The following KPNB1 variants were observed in gnomAD, a reference collection of about 807,000 sequenced individuals.
KPNB1 encodes karyopherin subunit beta 1.
A neutral mutation model predicts 113.0 loss-of-function variants in KPNB1; 7 were observed. That is an observed-to-expected ratio of 0.06 (90% CI 0.04 to 0.12). KPNB1 has a LOEUF of 0.12. Among genes scored for constraint, KPNB1 ranks in the 10% least tolerant of loss-of-function variants. The pLI, the probability that KPNB1 is intolerant of heterozygous loss-of-function variation, is 1.00. For synonymous variants in KPNB1, 363 were observed against 378.6 expected (o/e 0.96, Z 0.48); for missense variants, 400 against 1,054.8 (o/e 0.38, Z 8.60).
rs2030233141 is a variant in KPNB1 at position 47,665,239 on chromosome 17, C to T, written c.999+81C>T. 4.9e-6 allele frequency: 5 copies of T among 1,026,546 alleles called. No homozygotes were observed. The South Asian group carries it at 6.6e-5, about 13-fold the overall frequency. The allele number at this position is 1,026,546 out of a possible 1,614,324, so 63.6% of individuals were successfully genotyped here. A position where few individuals can be genotyped will look rare whatever the true frequency, so the allele number is the denominator to read the frequency against. Reference sequence around the variant, plus strand: ...CTGTGGAAACTTTCCATGGAAGGAACTTCGCAGCCCATCAACTATTTGATG... The same window carrying T: ...CTGTGGAAACTTTCCATGGAAGGAATTTCGCAGCCCATCAACTATTTGATG... On this transcript the variant is annotated intron_variant, in intron 9 of 21. Transcript: ENST00000290158.
rs775621304 is a variant in KPNB1, at chr17:47,673,202, T to C, written c.1695+37T>C. 4 of 1,604,024 alleles carry C rather than the reference T, an allele frequency of 2.5e-6. No individual in the cohort carries two copies. The South Asian group carries it at 4.4e-5, about 18-fold the overall frequency. ...GAGTGCCCCTGACTATGGGTGGGAA[T>C]TGGGTAGTACTTTTGACACCTAGGT... is the stretch of plus-strand genomic sequence containing the variant. On this transcript the variant is annotated intron_variant, in intron 13 of 21. Coordinates refer to ENST00000290158, the MANE Select transcript of KPNB1 (RefSeq NM_002265.6).
At chr17:47,674,412 C>T (rs1345572950) in intron 14 of KPNB1, among the ~76,000 whole-genome samples, 1 of 152,168 alleles carries the variant, frequency 6.6e-6, no homozygotes, top group Admixed American at 6.5e-5. Context: ...TGACCTTCTG[C>T]ACAACGGAGG....
chr17:47,658,392 A>G, intron 4 of KPNB1, 116 bp from the exon 5 acceptor site: 2 of 1,110,698 alleles, frequency 1.8e-6, no homozygotes, highest in Non-Finnish European at 2.5e-6. Context: ...AGATGCAACC[A>G]TCCATTTTTT....
intron 2 of KPNB1, chr17:47,651,049 C>CTTT: frequency 5.6e-6 from 1 of 178,658 alleles, no homozygotes; most frequent in Non-Finnish European, 1.0e-5. Context: ...TTCTTTCTTT[C>CTTT]TTTTTTTTTT....
At chr17:47,664,647 A>G (rs1022022078) in intron 8 of KPNB1, among the ~76,000 whole-genome samples, 1 of 152,214 alleles carries the variant, frequency 6.6e-6, no homozygotes, top group African/African-American at 2.4e-5. Flanking sequence ...CAGATATGGA[A>G]GAGAATGGGG....
Position 47,669,749 on chromosome 17 carries a change from A to T in KPNB1, c.1296A>T (p.Val432=), listed in dbSNP as rs373504765. 1 of 1,614,038 alleles carries T rather than the reference A, an allele frequency of 6.2e-7. No individual in the cohort carries two copies. The highest frequency in any genetic ancestry group is 8.5e-7 in the Non-Finnish European group (1 of 1,179,980). The stretch of plus-strand genomic sequence containing the variant: ...TTCGAGATACAGCTGCATGGACTGT[A>T]GGCAGAATTTGTGAGCTGCTTCCTG... ...VVVRDTAAWT[V]GRICELLPEA... is the part of the protein sequence containing the mutation. The change falls in exon 11 of 22, where the codon GTA becomes GTT. Residue 432 remains valine (V), a synonymous_variant. Coordinates refer to ENST00000290158, the MANE Select transcript of KPNB1 (RefSeq NM_002265.6).
chr17:47,669,932 G>A (rs1268825613), intron 11 of KPNB1, 63 bp downstream of exon 11: 1 of 1,227,388 alleles, frequency 8.1e-7, no homozygotes, highest in Non-Finnish European at 1.2e-6. Flanking sequence ...GAAAGTAGAA[G>A]GTGTGGGAGA....
chr17:47,664,336 C>T, intron 8 of KPNB1, 67 bp downstream of exon 8: 1 of 1,038,164 alleles, frequency 9.6e-7, no homozygotes, highest in Non-Finnish European at 1.5e-6. Context: ...ATGATGTTCC[C>T]CTTCTAGGAG....
intron 15 of KPNB1, among the ~76,000 whole-genome samples, chr17:47,675,806 C>G (rs1293872432): frequency 6.6e-6 from 1 of 152,112 alleles, no homozygotes; most frequent in Non-Finnish European, 1.5e-5. Flanking sequence ...AAGTACATTG[C>G]TAAGGCCATT....
chr17:47,675,361 G>GTTGTTTTTTTTTTTTT (rs1567894260), intron 15 of KPNB1, among the ~76,000 whole-genome samples: 14 of 88,692 alleles, frequency 1.6e-4, no homozygotes, highest in South Asian at 3.7e-4. Flanking sequence ...CAGAGGTGTT[G>GTTGTTTTTTTTTTTTT]TTTTTTTTTT....
At chr17:47,652,165 T>C (rs1915597075) in intron 2 of KPNB1, among the ~76,000 whole-genome samples, 1 of 152,200 alleles carries the variant, frequency 6.6e-6, no homozygotes, top group South Asian at 2.1e-4. Flanking sequence ...GATCACCTCC[T>C]TCCATGGATT....
chr17:47,675,383 TTG>T (rs2030583126), intron 15 of KPNB1, among the ~76,000 whole-genome samples: 1 of 105,994 alleles, frequency 9.4e-6, no homozygotes, highest in East Asian at 2.9e-4. Flanking sequence ...TTTTTTTTTT[TTG>T]TTTGTTTTTT....
chr17:47,669,487 T>C (rs1202170053), intron 10 of KPNB1, among the ~76,000 whole-genome samples, 191 bp from the exon 11 acceptor site: 1 of 152,192 alleles, frequency 6.6e-6, no homozygotes, highest in Admixed American at 6.5e-5. Flanking sequence ...AATATAAAAC[T>C]CTAAACTGGA....
In KPNB1 at chr17:47,683,691, G is replaced by A. The variant is rs1365392880; in HGVS notation, c.*1287G>A. The A allele has an allele frequency of 6.7e-6, 1 of 149,342 alleles. No homozygotes were observed. The allele number at this position is 149,342 out of a possible 1,614,324, so 9.3% of individuals were successfully genotyped here. A position where few individuals can be genotyped will look rare whatever the true frequency, so the allele number is the denominator to read the frequency against. On this transcript the variant is annotated 3_prime_UTR_variant, in exon 22 of 22. Transcript: ENST00000290158. ...GACTACAATGCGGTATTGGTCTCTTGCTGCACTTCAAAAGCAACCAACAAA... is the reference window on the plus strand; with the variant it reads ...GACTACAATGCGGTATTGGTCTCTTACTGCACTTCAAAAGCAACCAACAAA...
At chr17:47,663,761 G>C (rs972202576) in intron 7 of KPNB1, among the ~76,000 whole-genome samples, 3 of 152,184 alleles carry the variant, frequency 2.0e-5, no homozygotes, top group Non-Finnish European at 4.4e-5. Flanking sequence ...GAGACTGACA[G>C]ATCGCTTGAG....
chr17:47,672,920 T>TA (rs2030492980), intron 12 of KPNB1, 98 bp from the exon 13 acceptor site: 1 of 1,138,366 alleles, frequency 8.8e-7, no homozygotes, highest in South Asian at 1.6e-5. Context: ...TCTGCAGACA[T>TA]ACCGGTTCCT....
In KPNB1 at chr17:47,683,104, A is replaced by C. The variant is rs1448628557; in HGVS notation, c.*700A>C. On this transcript the variant is annotated 3_prime_UTR_variant, in exon 22 of 22. Coordinates refer to ENST00000290158, the MANE Select transcript of KPNB1 (RefSeq NM_002265.6). ...CACAAGAGATGTAAAAAAAAAAAAAAAAAAAAAAAAAAAAACACACACACA... is the reference window on the plus strand; with the variant it reads ...CACAAGAGATGTAAAAAAAAAAAAACAAAAAAAAAAAAAAACACACACACA... 6 of 147,104 alleles carry C rather than the reference A, an allele frequency of 4.1e-5. No homozygotes were observed. The highest frequency in any genetic ancestry group is 2.0e-4 in the East Asian group (1 of 5,104). The allele number at this position is 147,104 out of a possible 1,614,324, so 9.1% of individuals were successfully genotyped here.
At chr17:47,675,517 A>G (rs1222266186) in intron 15 of KPNB1, among the ~76,000 whole-genome samples, 1 of 151,700 alleles carries the variant, frequency 6.6e-6, no homozygotes, top group Non-Finnish European at 1.5e-5. Context: ...CTGGGATTAT[A>G]GGCATGAGCC....
chr17:47,683,569 A>G lies in KPNB1; in HGVS notation c.*1165A>G, dbSNP rs2030860628. The G allele has an allele frequency of 7.0e-6, 1 of 142,128 alleles. No homozygotes were observed. The highest frequency in any genetic ancestry group is 1.6e-5 in the Non-Finnish European group (1 of 63,872). The allele number at this position is 142,128 out of a possible 1,614,324, so 8.8% of individuals were successfully genotyped here. On this transcript the variant is annotated 3_prime_UTR_variant, in exon 22 of 22. Coordinates refer to ENST00000290158, the MANE Select transcript of KPNB1 (RefSeq NM_002265.6). ...CACACAAAACAGCAAACTTCAGGTA[A>G]CTATTTTGGATTGCAAACAGGATAA...
Sources: gnomAD v4.1 joint callset for allele counts (sites outside exome capture counted in the v4.1 genomes callset) on GRCh38, gnomAD v4.1.1 for gene constraint, MANE v1.5 for transcripts, NCBI Gene and HGNC (gene_info 2026-07-23, HGNC 2026-07-21) for gene names.